The following EXOC6B variants were observed in gnomAD, a reference collection of about 807,000 sequenced individuals.
EXOC6B encodes the protein exocyst complex component 6B.
Under a neutral mutation model 113.5 loss-of-function variants are expected in EXOC6B, and 54 were observed. The observed-to-expected ratio is 0.48, with a 90% CI of 0.38 to 0.60. The LOEUF (loss-of-function observed/expected upper bound fraction) is 0.60, where lower values mean the gene tolerates loss of function less well. Among genes scored for constraint, EXOC6B ranks in the 20% least tolerant of loss-of-function variants. EXOC6B has a pLI of 0.00. For synonymous variants in EXOC6B, 357 were observed against 339.0 expected (o/e 1.05, Z -0.58); for missense variants, 797 against 977.5 (o/e 0.82, Z 2.46).
chr2:72,650,154 T>A (rs1240242860), intron 6 of EXOC6B, among the ~76,000 whole-genome samples: 1 of 152,188 alleles, frequency 6.6e-6, no homozygotes, highest in Non-Finnish European at 1.5e-5. Context: ...ATCTGAGGGA[T>A]CTAGGTTGTG....
intron 20 of EXOC6B, among the ~76,000 whole-genome samples, chr2:72,245,820 T>A (rs1682618553): frequency 6.6e-6 from 1 of 152,172 alleles, no homozygotes; most frequent in Non-Finnish European, 1.5e-5. Flanking sequence ...TATTCACTCA[T>A]CAATTTTAAA....
intron 1 of EXOC6B, among the ~76,000 whole-genome samples, chr2:72,777,755 T>C (rs1226989508): frequency 6.6e-6 from 1 of 152,028 alleles, no homozygotes; most frequent in Non-Finnish European, 1.5e-5. Context: ...AATACATATC[T>C]CTGTTGATGA....
chr2:72,332,753 T>A (rs1246738018), intron 20 of EXOC6B, among the ~76,000 whole-genome samples: 1 of 152,082 alleles, frequency 6.6e-6, no homozygotes, highest in African/African-American at 2.4e-5. Flanking sequence ...AAAATTCTAT[T>A]TTAGAAGCCT....
intron 6 of EXOC6B, among the ~76,000 whole-genome samples, chr2:72,642,836 A>C (rs1215386102): frequency 1.3e-5 from 2 of 151,496 alleles, no homozygotes; most frequent in South Asian, 2.1e-4. Context: ...CAACCTACAA[A>C]ATGGGAGAAA....
chr2:72,217,020 GGGC>G (rs1451833967), intron 20 of EXOC6B, among the ~76,000 whole-genome samples: 1 of 147,630 alleles, frequency 6.8e-6, no homozygotes, highest in Non-Finnish European at 1.5e-5. Context: ...CATCCAGCCT[GGGC>G]GACTCCATAT....
chr2:72,289,201 C>T (rs1404821983), intron 20 of EXOC6B: 3 of 162,476 alleles, frequency 1.8e-5, no homozygotes, highest in Admixed American at 1.3e-4. Context: ...GGGTGTGAGG[C>T]ATTGGAACTG....
At chr2:72,692,320 G>A (rs1677549352) in intron 6 of EXOC6B, among the ~76,000 whole-genome samples, 1 of 150,534 alleles carries the variant, frequency 6.6e-6, no homozygotes, top group South Asian at 2.1e-4. Context: ...ACTAAGAAGT[G>A]TATAGAATTT....
intron 11 of EXOC6B, among the ~76,000 whole-genome samples, chr2:72,501,828 T>C (rs1228030776): frequency 6.6e-6 from 1 of 151,194 alleles, no homozygotes; most frequent in African/African-American, 2.4e-5. Context: ...GGCAGGATCA[T>C]AGCTCACTGC....
In EXOC6B at chr2:72,178,966, T is replaced by G. The variant is rs567729255; in HGVS notation, c.*369A>C. ...GGACATATTTTAGTATCCTTTTGCT[T>G]ACTCACTCTACCTCCCAGCGCCAGA... On this transcript the variant is annotated 3_prime_UTR_variant, in exon 22 of 22. Coordinates refer to ENST00000272427, the MANE Select transcript of EXOC6B (RefSeq NM_015189.3). The G allele has an allele frequency of 5.3e-6, 1 of 187,546 alleles. No individual in the cohort carries two copies. Among genetic ancestry groups the G allele is most frequent in the South Asian group, 1.4e-4 (1 of 7,144 alleles). 11.6% of individuals were successfully genotyped at this position (187,546 alleles called of 1,614,324 possible). A position where few individuals can be genotyped will look rare whatever the true frequency, so the allele number is the denominator to read the frequency against.
chr2:72,263,837 T>A (rs1199277162), intron 20 of EXOC6B, among the ~76,000 whole-genome samples: 3 of 152,176 alleles, frequency 2.0e-5, no homozygotes, highest in Non-Finnish European at 4.4e-5. Flanking sequence ...AGTCTCACTG[T>A]TCTCAGCCAC....
chr2:72,390,247 T>A (rs913191937), intron 18 of EXOC6B, among the ~76,000 whole-genome samples: 3 of 152,258 alleles, frequency 2.0e-5, no homozygotes, highest in Non-Finnish European at 4.4e-5. Context: ...ACATTTTTGT[T>A]ATTAGAAGTT....
At chr2:72,426,362 T>A (rs1469370469) in intron 18 of EXOC6B, among the ~76,000 whole-genome samples, 1 of 152,220 alleles carries the variant, frequency 6.6e-6, no homozygotes, top group African/African-American at 2.4e-5. Context: ...TGTTGAAAAT[T>A]TTTCTTAAAA....
At chr2:72,400,074 TA>T (rs1458603333) in intron 18 of EXOC6B, among the ~76,000 whole-genome samples, 1 of 151,974 alleles carries the variant, frequency 6.6e-6, no homozygotes, top group African/African-American at 2.4e-5. Flanking sequence ...GGTACTGGTA[TA>T]AAAATAGCCA....
chr2:72,499,865 A>G (rs1700232311), intron 12 of EXOC6B, 36 bp downstream of exon 12: 1 of 1,396,838 alleles, frequency 7.2e-7, no homozygotes, highest in African/African-American at 1.4e-5. Flanking sequence ...TTATAATACC[A>G]ATCTAGATGA....
chr2:72,736,696 A>T lies in EXOC6B; in HGVS notation c.280-3578T>A, dbSNP rs180997087. Among the ~76,000 whole-genome samples, 50 of 152,334 alleles carry T rather than the reference A, an allele frequency of 3.3e-4. No individual in the cohort carries two copies. In the East Asian group the frequency reaches 9.1e-3, roughly 28 times the overall value. On this transcript the variant is annotated intron_variant, in intron 2 of 21. Coordinates refer to ENST00000272427, the MANE Select transcript of EXOC6B (RefSeq NM_015189.3). Reference sequence around the variant, plus strand: ...GTGATATCAGCAATTCAGGAGCATTATGAGCTATATTCAGTACTACCCTGC... The same window carrying T: ...GTGATATCAGCAATTCAGGAGCATTTTGAGCTATATTCAGTACTACCCTGC...
intron 2 of EXOC6B, 54 bp downstream of exon 2, chr2:72,741,250 T>C (rs1284546951): frequency 2.0e-6 from 3 of 1,533,212 alleles, no homozygotes; most frequent in African/African-American, 1.4e-5. Flanking sequence ...CCTTTAATCC[T>C]AATCAAAACC....
chr2:72,316,611 T>C (rs2104811033), intron 20 of EXOC6B, among the ~76,000 whole-genome samples: 1 of 152,292 alleles, frequency 6.6e-6, no homozygotes, highest in African/African-American at 2.4e-5. Flanking sequence ...ACTTCTAAAA[T>C]GCCACAAAAC....
intron 1 of EXOC6B, among the ~76,000 whole-genome samples, chr2:72,775,737 G>A (rs1428407431): frequency 6.6e-6 from 1 of 152,164 alleles, no homozygotes; most frequent in Non-Finnish European, 1.5e-5. Context: ...GACAGTGGTT[G>A]GCAGAATTAG....
At chr2:72,440,446 A>G (rs1696133831) in intron 18 of EXOC6B, among the ~76,000 whole-genome samples, 1 of 152,170 alleles carries the variant, frequency 6.6e-6, no homozygotes, top group African/African-American at 2.4e-5. Flanking sequence ...AACTAAGTGA[A>G]GGAGAAATAA....
Sources: allele counts gnomAD v4.1 joint callset (sites outside exome capture counted in the v4.1 genomes callset), GRCh38; gene constraint gnomAD v4.1.1; transcripts MANE v1.5; gene names NCBI Gene and HGNC (gene_info 2026-07-23, HGNC 2026-07-21).